The following TTC17 variants were observed in gnomAD, a reference collection of about 807,000 sequenced individuals.
The protein encoded by TTC17 is tetratricopeptide repeat protein 17.
TTC17 carries 58 observed loss-of-function variants against 143.8 expected under a neutral mutation model. That is an observed-to-expected ratio of 0.40 (90% confidence interval 0.33 to 0.50). The LOEUF (loss-of-function observed/expected upper bound fraction) is 0.50. Among genes scored for constraint, TTC17 ranks in the 20% least tolerant of loss-of-function variants. The probability of loss-of-function intolerance (pLI) is 0.49; values close to 1 mark genes in which losing one functional copy is unlikely to be tolerated. For synonymous variants in TTC17, 501 were observed against 497.8 expected (o/e 1.01, Z -0.09); for missense variants, 1,273 against 1,392.5 (o/e 0.91, Z 1.37).
Position 43,358,984 on chromosome 11 carries a change from G to T in TTC17, c.30G>T (p.Arg10=), listed in dbSNP as rs1855975944. The change falls in exon 1 of 24, where the codon CGG becomes CGT. Residue 10 remains arginine (R), a synonymous_variant. Coordinates refer to ENST00000039989, the MANE Select transcript of TTC17 (RefSeq NM_018259.6). MAAAVGVRG[R]YELPPCSGPG... Reference sequence around the variant, plus strand: ...CGGCGGCAGTAGGGGTTCGTGGCCGGTACGAGCTGCCGCCTTGCTCCGGCC... The same window carrying T: ...CGGCGGCAGTAGGGGTTCGTGGCCGTTACGAGCTGCCGCCTTGCTCCGGCC... 6.3e-7 allele frequency: 1 copy of T among 1,580,606 alleles called. No individual in the cohort carries two copies. The highest frequency in any genetic ancestry group is 1.4e-5 in the African/African-American group (1 of 72,140).
chr11:43,403,988 C>A lies in TTC17; in HGVS notation c.1333-10C>A, dbSNP rs201584203. On this transcript the variant is annotated splice_polypyrimidine_tract_variant and intron_variant, in intron 10 of 23. Transcript: ENST00000039989. ...TTCAATTTGATTGAACTTTTTGTTT[C>A]ATTTTCTAGTTTGGTGAGGATTCAT... The A allele has an allele frequency of 2.8e-5, 44 of 1,571,936 alleles. No homozygotes were observed. The Admixed American group carries it at 6.0e-4, about 21-fold the overall frequency.
At chr11:43,451,149 A>T (rs763143211) in intron 20 of TTC17, 33 bp from the exon 21 acceptor site, 52 of 1,603,552 alleles carry the variant, frequency 3.2e-5, no homozygotes, top group Non-Finnish European at 3.3e-5. Flanking sequence ...CATCGTTTTC[A>T]TTCTTCTAAT....
intron 16 of TTC17, among the ~76,000 whole-genome samples, chr11:43,423,956 CTATA>C (rs1193767043): frequency 3.9e-5 from 6 of 151,914 alleles, no homozygotes. Context: ...AGTGAGCTCT[CTATA>C]TATAATTGAA....
At chr11:43,376,635 G>T (rs1856773306) in intron 1 of TTC17, among the ~76,000 whole-genome samples, 1 of 152,092 alleles carries the variant, frequency 6.6e-6, no homozygotes, top group Admixed American at 6.5e-5. Context: ...CAATGCTAAA[G>T]ACTTTGAAGG....
Position 43,450,063 on chromosome 11 carries a change from G to T in TTC17, c.2787-19G>T. ...CTCAAAAATTTCCCATAGCTAATGT[G>T]GTAATCTCCATTTTTCAGCATCACA... On this transcript the variant is annotated intron_variant, in intron 19 of 23. Coordinates refer to ENST00000039989, the MANE Select transcript of TTC17 (RefSeq NM_018259.6). 1 of 1,608,068 alleles carries T rather than the reference G, an allele frequency of 6.2e-7. No individual in the cohort carries two copies. The highest frequency in any genetic ancestry group is 1.1e-5 in the South Asian group (1 of 90,216).
intron 21 of TTC17, 26 bp from the exon 22 acceptor site, chr11:43,490,213 C>T (rs1450664015): frequency 6.3e-7 from 1 of 1,593,096 alleles, no homozygotes; most frequent in East Asian, 2.3e-5. Flanking sequence ...GAAAGGACAC[C>T]AGCCTTGGCT....
chr11:43,487,315 T>A (rs1426564226), intron 21 of TTC17, among the ~76,000 whole-genome samples: 1 of 152,046 alleles, frequency 6.6e-6, no homozygotes, highest in Non-Finnish European at 1.5e-5. Flanking sequence ...CAGGCTAATT[T>A]TTGTATTTTT....
rs549416304 is a variant in TTC17 at position 43,416,404 on chromosome 11, A to G, written c.2251+1628A>G. ...TATACATGTAGTGACCCTTTTCTAA[A>G]AAGTCTTCTCCTTAGCATTAATTTT... is the stretch of plus-strand genomic sequence containing the variant. On this transcript the variant is annotated intron_variant, in intron 16 of 23. Coordinates refer to ENST00000039989, the MANE Select transcript of TTC17 (RefSeq NM_018259.6). Among the ~76,000 whole-genome samples, 73 of 152,248 alleles carry G rather than the reference A, an allele frequency of 4.8e-4. 2 individuals are homozygous for G. In the South Asian group the frequency reaches 6.4e-3, roughly 13 times the overall value.
intron 1 of TTC17, among the ~76,000 whole-genome samples, chr11:43,368,837 T>C (rs1014447542): frequency 2.0e-4 from 31 of 152,320 alleles, no homozygotes; most frequent in Middle Eastern, 3.4e-3. Flanking sequence ...CTGGCACCTG[T>C]CTTCTCCTCC....
chr11:43,396,895 T>A, intron 6 of TTC17, 77 bp downstream of exon 6: 1 of 791,152 alleles, frequency 1.3e-6, no homozygotes, highest in Non-Finnish European at 1.9e-6. Context: ...AAGAAAGCAG[T>A]AAGAAGCAAC....
At chr11:43,394,308 G>C (rs189457589) in intron 5 of TTC17, among the ~76,000 whole-genome samples, 31 of 152,334 alleles carry the variant, frequency 2.0e-4, no homozygotes, top group African/African-American at 7.5e-4. Context: ...CTCCAAGTGT[G>C]CTGAGAAGTT....
At chr11:43,486,700 A>T (rs141283431) in intron 21 of TTC17, among the ~76,000 whole-genome samples, 1 of 152,148 alleles carries the variant, frequency 6.6e-6, no homozygotes, top group Non-Finnish European at 1.5e-5. Context: ...CAGCATGAAT[A>T]TGTTTTACAT....
Position 43,414,602 on chromosome 11 carries a change from T to G in TTC17, c.2077T>G (p.Leu693Val). 6.2e-7 allele frequency: 1 copy of G among 1,601,112 alleles called. No homozygotes were observed. Among genetic ancestry groups the G allele is most frequent in the East Asian group, 2.2e-5 (1 of 44,754 alleles). ...TTTTTCTTTTCAGCCTCTGACCTTT[T>G]TGAGCCTGGGAAATGCTTACCTTGC... The part of the protein sequence containing the change: ...AINSSEPLTF[L>V]SLGNAYLALK... Residue 693 changes from leucine to valine, a missense_variant, in exon 16 of 24, where the codon TTG (leucine) becomes GTG (valine). By Grantham distance (32) the Leu-to-Val change is conservative. Coordinates refer to ENST00000039989, the MANE Select transcript of TTC17 (RefSeq NM_018259.6).
At chr11:43,439,400 G>C (rs933955319) in intron 16 of TTC17, among the ~76,000 whole-genome samples, 2 of 151,794 alleles carry the variant, frequency 1.3e-5, no homozygotes, top group Admixed American at 1.3e-4. Context: ...GATGTGTGTG[G>C]AACATTACAA....
intron 16 of TTC17, among the ~76,000 whole-genome samples, chr11:43,416,381 TACATGTAG>T (rs1946780854): frequency 6.6e-6 from 1 of 152,194 alleles, no homozygotes; most frequent in African/African-American, 2.4e-5. Context: ...TGTCACTGTA[TACATGTAG>T]TGACCCTTTT....
intron 3 of TTC17, among the ~76,000 whole-genome samples, chr11:43,391,229 C>G (rs1857373441): frequency 6.6e-6 from 1 of 151,950 alleles, no homozygotes; most frequent in Non-Finnish European, 1.5e-5. Context: ...TGAGACCTGT[C>G]TCAACAAAAA....
chr11:43,435,221 C>T (rs1368264269), intron 16 of TTC17: 1 of 152,194 alleles, frequency 6.6e-6, no homozygotes, highest in Non-Finnish European at 1.5e-5. Flanking sequence ...CTTACACACT[C>T]TTAACCAAAG....
intron 16 of TTC17, among the ~76,000 whole-genome samples, chr11:43,423,485 G>C (rs1358859721): frequency 6.6e-6 from 1 of 151,512 alleles, no homozygotes; most frequent in East Asian, 2.0e-4. Context: ...CGTAAATAGA[G>C]GCACTGGAAG....
intron 16 of TTC17, among the ~76,000 whole-genome samples, chr11:43,426,190 A>G (rs1226437803): frequency 6.6e-6 from 1 of 152,222 alleles, no homozygotes; most frequent in African/African-American, 2.4e-5. Flanking sequence ...ATATGAACAA[A>G]TTAATAATCA....
Sources: allele counts gnomAD v4.1 joint callset (sites outside exome capture counted in the v4.1 genomes callset), GRCh38; gene constraint gnomAD v4.1.1; transcripts MANE v1.5; gene names NCBI Gene and HGNC (gene_info 2026-07-23, HGNC 2026-07-21).